The following KANSL1L variants were observed in gnomAD, a reference collection of about 807,000 sequenced individuals.
The protein encoded by KANSL1L is KAT8 regulatory NSL complex subunit 1 like.
In KANSL1L, 25 loss-of-function variants were observed where a neutral mutation model predicts 108.6. The ratio of observed to expected loss-of-function variants is 0.23; its 90% CI spans 0.17 to 0.32. The LOEUF is 0.32. Ranked by LOEUF, KANSL1L falls within the 10% of genes least tolerant of loss-of-function variation. KANSL1L has a pLI of 1.00. For synonymous variants in KANSL1L, 405 were observed against 395.1 expected, an observed-to-expected ratio of 1.03 and a Z score of -0.30; for missense variants, 1,137 against 1,125.7, an observed-to-expected ratio of 1.01 and a Z score of -0.14.
At chr2:210,150,348 T>C (rs1254142283) in intron 2 of KANSL1L, among the ~76,000 whole-genome samples, 1 of 152,218 alleles carries the variant, frequency 6.6e-6, no homozygotes, top group Non-Finnish European at 1.5e-5. Flanking sequence ...AAAATTTTTT[T>C]TCTATCATTT....
intron 6 of KANSL1L, among the ~76,000 whole-genome samples, chr2:210,069,779 C>T (rs2094492952): frequency 8.1e-6 from 1 of 123,614 alleles, no homozygotes; most frequent in South Asian, 2.7e-4. Context: ...TATTTATTGC[C>T]CCTGACATTC....
intron 3 of KANSL1L, among the ~76,000 whole-genome samples, chr2:210,104,553 TTTAA>T (rs1301359198): frequency 6.6e-6 from 1 of 152,146 alleles, no homozygotes; most frequent in East Asian, 1.9e-4. Context: ...TCTAATTGGT[TTTAA>T]TTATTGGCAT....
At chr2:210,031,737 A>G (rs2094019471) in intron 8 of KANSL1L, among the ~76,000 whole-genome samples, 191 bp from the exon 9 acceptor site, 1 of 152,104 alleles carries the variant, frequency 6.6e-6, no homozygotes. Context: ...TATTTTCTCC[A>G]TTTTTTTGAG....
chr2:210,074,045 T>C (rs2094525729), intron 6 of KANSL1L, among the ~76,000 whole-genome samples: 1 of 152,012 alleles, frequency 6.6e-6, no homozygotes, highest in Non-Finnish European at 1.5e-5. Flanking sequence ...TCAGCAAGGT[T>C]AAAACAGGGT....
intron 14 of KANSL1L, 152 bp from the exon 15 acceptor site, chr2:210,023,331 C>CA: frequency 3.2e-6 from 2 of 629,738 alleles, no homozygotes; most frequent in Non-Finnish European, 5.5e-6. Flanking sequence ...AATAGCAACT[C>CA]AAAATGGAAT....
In KANSL1L at chr2:210,153,883, A is replaced by G; in HGVS notation, c.700T>C (p.Leu234=). 6.2e-7 allele frequency: 1 copy of G among 1,612,324 alleles called. No individual in the cohort carries two copies. Among genetic ancestry groups the G allele is most frequent in the Non-Finnish European group, 8.5e-7 (1 of 1,179,654 alleles). ...TGAGTTCTTCTAGCCTGGCTAAGTAAAATTTTCTGTTTGCTTACACAATGA... is the reference window on the plus strand; with the variant it reads ...TGAGTTCTTCTAGCCTGGCTAAGTAGAATTTTCTGTTTGCTTACACAATGA... ...LLHCVSKQKI[L]LSQARRTQKH... The change falls in exon 2 of 15, where the codon TTA becomes CTA. Residue 234 remains leucine, a synonymous_variant. Coordinates refer to ENST00000281772, the MANE Select transcript of KANSL1L (RefSeq NM_152519.4).
chr2:210,093,559 T>G (rs1486940658), intron 5 of KANSL1L, among the ~76,000 whole-genome samples: 1 of 152,192 alleles, frequency 6.6e-6, no homozygotes, highest in Non-Finnish European at 1.5e-5. Flanking sequence ...TTCAATTTAA[T>G]TTTGTCTAAA....
At chr2:210,025,032 C>A in intron 13 of KANSL1L, 72 bp downstream of exon 13, 1 of 957,476 alleles carries the variant, frequency 1.0e-6, no homozygotes, top group Non-Finnish European at 1.7e-6. Context: ...CTGGTCTCAC[C>A]CAAAATTCAT....
At chr2:210,094,304 C>T (rs543075692) in intron 5 of KANSL1L, among the ~76,000 whole-genome samples, 58 of 151,850 alleles carry the variant, frequency 3.8e-4, no homozygotes, top group African/African-American at 1.2e-3. Flanking sequence ...TATATGCTTC[C>T]GAGAAGTATT....
intron 1 of KANSL1L, among the ~76,000 whole-genome samples, chr2:210,164,814 A>G (rs1687825064): frequency 6.7e-6 from 1 of 149,776 alleles, no homozygotes; most frequent in African/African-American, 2.4e-5. Flanking sequence ...TCCAAAAACC[A>G]ACTATGTTTC....
At chr2:210,139,882 C>T (rs1384316127) in intron 2 of KANSL1L, among the ~76,000 whole-genome samples, 1 of 131,856 alleles carries the variant, frequency 7.6e-6, no homozygotes, top group African/African-American at 2.9e-5. Flanking sequence ...GCTGGAACTG[C>T]AGGTGCACAC....
chr2:210,037,274 G>A (rs796527637), intron 8 of KANSL1L, among the ~76,000 whole-genome samples: 10 of 151,964 alleles, frequency 6.6e-5, no homozygotes, highest in Admixed American at 6.5e-5. Context: ...ATAACATTCC[G>A]TGATTAGAAA....
chr2:210,045,078 C>T (rs751426204), intron 6 of KANSL1L, among the ~76,000 whole-genome samples: 1 of 152,028 alleles, frequency 6.6e-6, no homozygotes, highest in Non-Finnish European at 1.5e-5. Context: ...CCACATTAAC[C>T]GATTTTTAAC....
chr2:210,128,943 T>C (rs1331385782), intron 3 of KANSL1L, 88 bp downstream of exon 3: 2 of 1,106,854 alleles, frequency 1.8e-6, no homozygotes, highest in African/African-American at 3.2e-5. Context: ...TTATAAAACC[T>C]TGTAACAATT....
chr2:210,040,397 C>T lies in KANSL1L; in HGVS notation c.2029+23G>A, dbSNP rs114353589. The T allele has an allele frequency of 1.0e-3, 1,114 of 1,089,652 alleles. 9 individuals are homozygous for T. The African/African-American group carries it at 0.016, about 15-fold the overall frequency. 67.5% of individuals were successfully genotyped at this position (1,089,652 alleles called of 1,614,324 possible). ...AAGACATAAAAAGGCATATAGAGTA[C>T]AAGAACTGTAAATGTGACATACCAG... On this transcript the variant is annotated intron_variant, in intron 8 of 14. Coordinates refer to ENST00000281772, the MANE Select transcript of KANSL1L (RefSeq NM_152519.4).
intron 1 of KANSL1L, among the ~76,000 whole-genome samples, chr2:210,162,236 A>ATATATATG (rs1267311973): frequency 1.4e-5 from 2 of 143,306 alleles, no homozygotes; most frequent in Admixed American, 1.4e-4. Flanking sequence ...ATATATATAT[A>ATATATATG]TATATATGTA....
At chr2:210,103,850 G>C (rs529410849) in intron 4 of KANSL1L, among the ~76,000 whole-genome samples, 3 of 151,646 alleles carry the variant, frequency 2.0e-5, no homozygotes, top group Non-Finnish European at 2.9e-5. Flanking sequence ...TCTAATCCCT[G>C]TAAAAATAAA....
intron 5 of KANSL1L, chr2:210,096,863 A>G: frequency 1.4e-6 from 1 of 710,910 alleles, no homozygotes; most frequent in Non-Finnish European, 1.7e-6. Flanking sequence ...TAAATAAAAT[A>G]GTAAAAGTAT....
intron 6 of KANSL1L, among the ~76,000 whole-genome samples, chr2:210,045,655 T>C (rs985035992): frequency 2.0e-5 from 3 of 152,216 alleles, no homozygotes; most frequent in African/African-American, 7.2e-5. Context: ...CCGAATTCTC[T>C]CAGTTTTTAC....
Sources: gnomAD v4.1 joint callset for allele counts (sites outside exome capture counted in the v4.1 genomes callset) on GRCh38, gnomAD v4.1.1 for gene constraint, MANE v1.5 for transcripts, NCBI Gene and HGNC (gene_info 2026-07-23, HGNC 2026-07-21) for gene names.